PHAF1: variants seen among roughly 807,000 people sequenced by gnomAD.
PHAF1 encodes phagophore assembly factor 1, also known as phagosome assembly factor 1.
In PHAF1, 23 loss-of-function variants were observed where a neutral mutation model predicts 63.1. The observed-to-expected ratio is 0.36, with a 90% CI of 0.26 to 0.52. The LOEUF (loss-of-function observed/expected upper bound fraction) is 0.52. PHAF1 is among the 20% of genes least tolerant of loss of function. PHAF1 has a pLI of 0.93. For missense variants in PHAF1, 427 were observed against 517.2 expected, an observed-to-expected ratio of 0.83 and a Z score of 1.69; for synonymous variants, 167 against 185.0, an observed-to-expected ratio of 0.90 and a Z score of 0.79.
chr16:67,126,072 G>A, intron 3 of PHAF1, 30 bp downstream of exon 3: 2 of 1,522,604 alleles, frequency 1.3e-6, no homozygotes, highest in African/African-American at 1.4e-5. Flanking sequence ...AATGTTTCAT[G>A]TCCAGCTGGG....
chr16:67,122,335 G>A (rs1963013670), intron 2 of PHAF1, among the ~76,000 whole-genome samples: 1 of 152,130 alleles, frequency 6.6e-6, no homozygotes, highest in Non-Finnish European at 1.5e-5. Context: ...GGTTTGACCA[G>A]GCACTGTGGC....
intron 1 of PHAF1, among the ~76,000 whole-genome samples, chr16:67,115,402 A>G (rs1962696491): frequency 6.6e-6 from 1 of 152,288 alleles, no homozygotes; most frequent in Non-Finnish European, 1.5e-5. Flanking sequence ...AGATTCCAGC[A>G]GCAACAAGAG....
chr16:67,110,559 C>T (rs1443110217), intron 1 of PHAF1, among the ~76,000 whole-genome samples: 1 of 152,180 alleles, frequency 6.6e-6, no homozygotes, highest in African/African-American at 2.4e-5. Flanking sequence ...GTACCCCTCG[C>T]CGGCACCTGA....
chr16:67,148,229 C>T lies in PHAF1; in HGVS notation c.*1098C>T, dbSNP rs1320567058. Reference sequence around the variant, plus strand: ...GACTCTTTTGTAATTAACTCATGTACAGCCTCATCCTGTATAGTTTAATGA... The same window carrying T: ...GACTCTTTTGTAATTAACTCATGTATAGCCTCATCCTGTATAGTTTAATGA... On this transcript the variant is annotated 3_prime_UTR_variant, in exon 16 of 16. Transcript: ENST00000219139. The T allele has an allele frequency of 6.6e-6, 1 of 152,638 alleles. No homozygotes were observed. The highest frequency in any genetic ancestry group is 2.4e-5 in the African/African-American group (1 of 41,444). 9.5% of individuals were successfully genotyped at this position (152,638 alleles called of 1,614,324 possible). A position where few individuals can be genotyped will look rare whatever the true frequency, so the allele number is the denominator to read the frequency against.
intron 15 of PHAF1, among the ~76,000 whole-genome samples, chr16:67,146,651 C>G (rs2030110462): frequency 6.6e-6 from 1 of 152,194 alleles, no homozygotes; most frequent in Non-Finnish European, 1.5e-5. Flanking sequence ...AAGGGAACCA[C>G]AGGGCAAGTG....
In PHAF1 at chr16:67,109,965, G is replaced by GC; in HGVS notation, c.-206dup. 1 of 525,504 alleles carries GC rather than the reference G, an allele frequency of 1.9e-6. No individual in the cohort carries two copies. The highest frequency in any genetic ancestry group is 3.3e-6 in the Non-Finnish European group (1 of 299,880). 32.6% of individuals were successfully genotyped at this position (525,504 alleles called of 1,614,324 possible). Reference sequence around the variant, plus strand: ...TGCAGTCGCGCCCGCCGCCGTCGTTGCCCCCGCTGCCGCGGCTGCTGCAGG... The same window carrying GC: ...TGCAGTCGCGCCCGCCGCCGTCGTTGCCCCCCGCTGCCGCGGCTGCTGCAGG... On this transcript the variant is annotated 5_prime_UTR_variant, in exon 1 of 16. Transcript: ENST00000219139.
intron 6 of PHAF1, 42 bp downstream of exon 6, chr16:67,132,953 T>C (rs902184541): frequency 6.8e-7 from 1 of 1,476,918 alleles, no homozygotes; most frequent in Non-Finnish European, 9.4e-7. Context: ...TATGTGTCTG[T>C]GGTATGGCTC....
intron 3 of PHAF1, among the ~76,000 whole-genome samples, chr16:67,126,367 A>C (rs1024315428): frequency 6.6e-6 from 1 of 152,162 alleles, no homozygotes; most frequent in Non-Finnish European, 1.5e-5. Flanking sequence ...AGATAGTTTT[A>C]CTTCATTCTT....
At chr16:67,110,288 C>A in intron 1 of PHAF1, 49 bp downstream of exon 1, 1 of 1,538,826 alleles carries the variant, frequency 6.5e-7, no homozygotes, top group Non-Finnish European at 8.8e-7. Context: ...TCCTTGCTTT[C>A]TCCTGGGCTC....
chr16:67,111,402 T>A (rs975505734), intron 1 of PHAF1, among the ~76,000 whole-genome samples: 1 of 152,104 alleles, frequency 6.6e-6, no homozygotes, highest in Non-Finnish European at 1.5e-5. Context: ...GGGGTAGGTG[T>A]TGGTGCTGTT....
intron 8 of PHAF1, among the ~76,000 whole-genome samples, chr16:67,139,343 CTTTTTTT>C (rs1164245105): frequency 5.8e-5 from 5 of 86,890 alleles, no homozygotes; most frequent in African/African-American, 1.6e-4. Flanking sequence ...ACAGCACTGC[CTTTTTTT>C]TTTTTTTTTT....
intron 8 of PHAF1, chr16:67,134,733 T>A: frequency 1.8e-6 from 1 of 562,700 alleles, no homozygotes; most frequent in Non-Finnish European, 3.4e-6. Flanking sequence ...CCTCATATGG[T>A]GCAAGGGGCT....
intron 10 of PHAF1, among the ~76,000 whole-genome samples, chr16:67,143,956 G>C (rs779775413): frequency 2.6e-5 from 4 of 151,970 alleles, no homozygotes; most frequent in Non-Finnish European, 5.9e-5. Flanking sequence ...AAAAAAAACA[G>C]CCAGGCGTGG....
At chr16:67,130,649 A>G (rs940282648) in intron 3 of PHAF1, among the ~76,000 whole-genome samples, 3 of 152,190 alleles carry the variant, frequency 2.0e-5, no homozygotes, top group Non-Finnish European at 1.5e-5. Context: ...GTGCCCGGCT[A>G]AAATAAGCTA....
intron 3 of PHAF1, 57 bp from the exon 4 acceptor site, chr16:67,131,229 T>A: frequency 6.8e-6 from 6 of 883,494 alleles, no homozygotes; most frequent in East Asian, 2.8e-5. Flanking sequence ...GTATTTTTAA[T>A]CATTTTTAGT....
At chr16:67,120,267 G>A in intron 2 of PHAF1, 73 bp downstream of exon 2, 1 of 1,397,420 alleles carries the variant, frequency 7.2e-7, no homozygotes, top group Admixed American at 1.8e-5. Context: ...TGATGCTTTG[G>A]GATAGGCTGA....
intron 3 of PHAF1, among the ~76,000 whole-genome samples, chr16:67,130,466 A>G (rs1432210484): frequency 1.3e-5 from 2 of 149,916 alleles, no homozygotes; most frequent in African/African-American, 5.0e-5. Context: ...CTCCTGCCTC[A>G]GCCTCCACAG....
chr16:67,118,331 CTTTTTTTTTTT>C (rs1054550338), intron 1 of PHAF1, among the ~76,000 whole-genome samples: 1 of 76,552 alleles, frequency 1.3e-5, no homozygotes, highest in Non-Finnish European at 2.3e-5. Context: ...GCCCCTGTTG[CTTTTTTTTTTT>C]TTTTTTTTTT....
At chr16:67,140,808 G>A (rs1262217668) in intron 10 of PHAF1, among the ~76,000 whole-genome samples, 1 of 152,208 alleles carries the variant, frequency 6.6e-6, no homozygotes, top group Non-Finnish European at 1.5e-5. Context: ...TAGGTTCCCT[G>A]GTACCTGTTG....
Sources: gnomAD v4.1 joint callset for allele counts (sites outside exome capture counted in the v4.1 genomes callset) on GRCh38, gnomAD v4.1.1 for gene constraint, MANE v1.5 for transcripts, NCBI Gene and HGNC (gene_info 2026-07-23, HGNC 2026-07-21) for gene names.